SGMS1: variants seen among roughly 807,000 people sequenced by gnomAD.
SGMS1 encodes the protein phosphatidylcholine:ceramide cholinephosphotransferase 1.
A neutral mutation model predicts 46.2 loss-of-function variants in SGMS1; 13 were observed. The observed-to-expected ratio is 0.28, with a 90% CI of 0.18 to 0.45. The LOEUF (loss-of-function observed/expected upper bound fraction) is 0.45, where lower values mean the gene tolerates loss of function less well. Ranked by LOEUF, SGMS1 falls within the 20% of genes least tolerant of loss-of-function variation. The probability of loss-of-function intolerance (pLI) is 1.00; values close to 1 mark genes in which losing one functional copy is unlikely to be tolerated. For synonymous variants in SGMS1, 203 were observed against 187.8 expected, an observed-to-expected ratio of 1.08 and a Z score of -0.66; for missense variants, 324 against 519.9, an observed-to-expected ratio of 0.62 and a Z score of 3.66.
chr10:50,308,669 C>T (rs1019693648), intron 9 of SGMS1, among the ~76,000 whole-genome samples: 3 of 152,008 alleles, frequency 2.0e-5, no homozygotes, highest in Non-Finnish European at 4.4e-5. Context: ...AGCATCCAGA[C>T]GCCTGGGAAT....
At chr10:50,392,885 A>G (rs1848794439) in intron 6 of SGMS1, among the ~76,000 whole-genome samples, 1 of 152,104 alleles carries the variant, frequency 6.6e-6, no homozygotes, top group South Asian at 2.1e-4. Context: ...TTCACTTTAC[A>G]TTCTGTGTTT....
At chr10:50,453,414 A>G (rs1015146920) in intron 5 of SGMS1, among the ~76,000 whole-genome samples, 2 of 151,396 alleles carry the variant, frequency 1.3e-5, no homozygotes, top group Non-Finnish European at 2.9e-5. Flanking sequence ...GTAGGATAAA[A>G]AATAAAATAA....
At chr10:50,337,911 A>G (rs1847742915) in intron 7 of SGMS1, among the ~76,000 whole-genome samples, 1 of 151,900 alleles carries the variant, frequency 6.6e-6, no homozygotes, top group Admixed American at 6.6e-5. Flanking sequence ...AGTGACCTCC[A>G]AACATGAAAT....
At chr10:50,549,498 A>C (rs1838130648) in intron 2 of SGMS1, among the ~76,000 whole-genome samples, 1 of 152,166 alleles carries the variant, frequency 6.6e-6, no homozygotes. Context: ...TGATGAGGAC[A>C]CATGGACACA....
chr10:50,506,394 C>T (rs144246803), intron 3 of SGMS1, among the ~76,000 whole-genome samples: 23 of 152,140 alleles, frequency 1.5e-4, no homozygotes, highest in Admixed American at 5.9e-4. Context: ...CTCATGCTTC[C>T]GTGTTCTTGC....
intron 4 of SGMS1, among the ~76,000 whole-genome samples, chr10:50,464,726 G>A (rs949821737): frequency 8.5e-5 from 13 of 152,290 alleles, no homozygotes; most frequent in Admixed American, 3.9e-4. Context: ...GAGCCACTGC[G>A]CCTGGCCCGT....
At chr10:50,519,551 CT>C (rs1837839277) in intron 3 of SGMS1, among the ~76,000 whole-genome samples, 1 of 152,222 alleles carries the variant, frequency 6.6e-6, no homozygotes, top group Non-Finnish European at 1.5e-5. Flanking sequence ...GGCTGACACT[CT>C]TTCCTGTGGC....
In SGMS1 at chr10:50,343,812, C is replaced by G; in HGVS notation, c.303G>C (p.Lys101Asn). Reference protein sequence around the residue: ...IPTPDGSFSIKIKPNGMPNGY... With the variant: ...IPTPDGSFSINIKPNGMPNGY... ...CATTTGGCATCCCGTTGGGTTTAAT[C>G]TTGATGCTGAAGCTGCCGTCGGGGG... Residue 101 changes from lysine (K) to asparagine (N), a missense_variant, in exon 7 of 11, where the codon AAG becomes AAC. Around this residue, in one of 2 missense-constraint regions of SGMS1, gnomAD observed 150 missense variants for 169.8 expected, o/e 0.88. Coordinates refer to ENST00000361781, the MANE Select transcript of SGMS1 (RefSeq NM_147156.4). 3 of 1,614,158 alleles carry G rather than the reference C, an allele frequency of 1.9e-6. 1 individual carries two copies. The highest frequency in any genetic ancestry group is 2.5e-6 in the Non-Finnish European group (3 of 1,180,032).
At chr10:50,594,290 G>T (rs1838569893) in intron 1 of SGMS1, among the ~76,000 whole-genome samples, 2 of 152,106 alleles carry the variant, frequency 1.3e-5, no homozygotes, top group African/African-American at 4.8e-5. Flanking sequence ...ACTGCCCATG[G>T]GTATAAGTCA....
chr10:50,488,699 C>T (rs1348044399), intron 3 of SGMS1, among the ~76,000 whole-genome samples: 1 of 152,194 alleles, frequency 6.6e-6, no homozygotes, highest in African/African-American at 2.4e-5. Flanking sequence ...AAAACAACCT[C>T]TATGATTTCT....
At chr10:50,435,800 G>A (rs774889306) in intron 5 of SGMS1, among the ~76,000 whole-genome samples, 21 of 152,192 alleles carry the variant, frequency 1.4e-4, no homozygotes, top group East Asian at 1.9e-4. Flanking sequence ...CCAGGTGAAC[G>A]CATACTAACT....
At chr10:50,480,169 C>G (rs1401313151) in intron 3 of SGMS1, among the ~76,000 whole-genome samples, 2 of 151,938 alleles carry the variant, frequency 1.3e-5, no homozygotes, top group African/African-American at 4.8e-5. Flanking sequence ...TGAGAGGATA[C>G]CTCACAGGAG....
At chr10:50,540,142 G>A (rs543710296) in intron 2 of SGMS1, among the ~76,000 whole-genome samples, 1 of 152,268 alleles carries the variant, frequency 6.6e-6, no homozygotes, top group Non-Finnish European at 1.5e-5. Flanking sequence ...AAAAGTTTAT[G>A]CAACATGTTT....
At chr10:50,552,075 T>C (rs950488653) in intron 2 of SGMS1, among the ~76,000 whole-genome samples, 1 of 152,174 alleles carries the variant, frequency 6.6e-6, no homozygotes, top group Non-Finnish European at 1.5e-5. Context: ...ACTTTATTTA[T>C]AAAAACAGGC....
intron 3 of SGMS1, among the ~76,000 whole-genome samples, chr10:50,511,858 T>G (rs1202415854): frequency 6.6e-6 from 1 of 152,180 alleles, no homozygotes; most frequent in East Asian, 1.9e-4. Flanking sequence ...CCTTCTAACC[T>G]GTACATAATT....
intron 7 of SGMS1, among the ~76,000 whole-genome samples, chr10:50,336,443 G>A (rs1847718694): frequency 6.6e-6 from 1 of 152,164 alleles, no homozygotes; most frequent in Admixed American, 6.5e-5. Context: ...TCCACACTTA[G>A]AAGGTTCCAG....
At chr10:50,541,164 C>G (rs1168149404) in intron 2 of SGMS1, among the ~76,000 whole-genome samples, 1 of 152,090 alleles carries the variant, frequency 6.6e-6, no homozygotes, top group East Asian at 1.9e-4. Context: ...AAGGTAAGAT[C>G]CAAACAAAAC....
intron 6 of SGMS1, among the ~76,000 whole-genome samples, chr10:50,347,044 A>C (rs888542737): frequency 6.6e-6 from 1 of 152,128 alleles, no homozygotes; most frequent in Non-Finnish European, 1.5e-5. Context: ...ATAGCTTTTA[A>C]AGATATTTCA....
intron 1 of SGMS1, among the ~76,000 whole-genome samples, chr10:50,602,882 A>G (rs1041587773): frequency 6.6e-6 from 1 of 152,218 alleles, no homozygotes; most frequent in African/African-American, 2.4e-5. Flanking sequence ...AAGTGCCAGG[A>G]TAGAGAAAAT....
Sources: allele counts gnomAD v4.1 joint callset (sites outside exome capture counted in the v4.1 genomes callset), GRCh38; gene constraint gnomAD v4.1.1; regional missense constraint gnomAD v4.1.1; transcripts MANE v1.5; gene names NCBI Gene and HGNC (gene_info 2026-07-23, HGNC 2026-07-21).